The following PRKAG2 variants were observed in gnomAD, a reference collection of about 807,000 sequenced individuals.
PRKAG2 encodes 5'-AMP-activated protein kinase subunit gamma-2.
PRKAG2 carries 26 observed loss-of-function variants against 69.6 expected under a neutral mutation model. That is an observed-to-expected ratio of 0.37 (90% confidence interval 0.27 to 0.52). The LOEUF (loss-of-function observed/expected upper bound fraction) is 0.52. Ranked by LOEUF, PRKAG2 falls within the 20% of genes least tolerant of loss-of-function variation. The pLI is 0.90. For synonymous variants in PRKAG2, 293 were observed against 285.0 expected (o/e 1.03, Z -0.28); for missense variants, 557 against 740.0 (o/e 0.75, Z 2.87).
At position 151,702,146 on chromosome 7, in the gene PRKAG2, C is replaced by T. The variant is rs182000081; in HGVS notation, c.467-26509G>A. On this transcript the variant is annotated intron_variant, in intron 3 of 15. Coordinates refer to ENST00000287878, the MANE Select transcript of PRKAG2 (RefSeq NM_016203.4). ...TGGACAGCATGGATACAGAACACTT[C>T]CCCCTGTGCGGGGAGTTCGATTGGA... Among the ~76,000 whole-genome samples the T allele has an allele frequency of 7.3e-4, 111 of 152,338 alleles. 1 individual carries two copies. Among genetic ancestry groups the T allele is most frequent in the African/African-American group, 2.6e-3 (108 of 41,578 alleles).
chr7:151,597,067 G>C (rs193064704), intron 5 of PRKAG2, among the ~76,000 whole-genome samples: 228 of 152,272 alleles, frequency 1.5e-3, no homozygotes, highest in Admixed American at 3.5e-3. Flanking sequence ...GCATGAAGCT[G>C]GCATAAAAAC....
rs369311416 is a variant in PRKAG2 at position 151,713,576 on chromosome 7, T to C, written c.467-37939A>G. On this transcript the variant is annotated intron_variant, in intron 3 of 15. Coordinates refer to ENST00000287878, the MANE Select transcript of PRKAG2 (RefSeq NM_016203.4). ...TATTAACTCATGAGGATGGTGTTTT[T>C]GCTTTTTTAATTTTTTTTTTTTTTT... is the stretch of plus-strand genomic sequence containing the variant. 2.5e-3 allele frequency among the ~76,000 whole-genome samples: 373 copies of C among 147,912 alleles called. 2 individuals carry two copies. The highest frequency in any genetic ancestry group is 9.1e-3 in the African/African-American group (359 of 39,434).
chr7:151,558,972 T>C, intron 15 of PRKAG2: 13 of 985,456 alleles, frequency 1.3e-5, no homozygotes, highest in Non-Finnish European at 1.4e-5. Context: ...AGAGCTGACA[T>C]TCAGCCTGAC....
chr7:151,797,201 G>A (rs1035674092), intron 1 of PRKAG2, among the ~76,000 whole-genome samples: 1 of 151,346 alleles, frequency 6.6e-6, no homozygotes, highest in Non-Finnish European at 1.5e-5. Flanking sequence ...CAGATCTGAC[G>A]CTTCCCCCAC....
chr7:151,675,886 A>G (rs1204430985), intron 3 of PRKAG2, among the ~76,000 whole-genome samples: 6 of 151,684 alleles, frequency 4.0e-5, no homozygotes, highest in African/African-American at 1.2e-4. Context: ...GCAAGAAGCC[A>G]AATTATTCTG....
chr7:151,767,452 G>A (rs1462143757), intron 3 of PRKAG2, among the ~76,000 whole-genome samples: 4 of 152,090 alleles, frequency 2.6e-5, no homozygotes, highest in East Asian at 3.9e-4. Context: ...CACCATGTGC[G>A]GCTAGTTTTT....
At position 151,827,765 on chromosome 7, in the gene PRKAG2, A is replaced by C. The variant is rs1007069119; in HGVS notation, c.115-41224T>G. 4.6e-5 allele frequency among the ~76,000 whole-genome samples: 7 copies of C among 150,542 alleles called. No homozygotes were observed. In the South Asian group the frequency reaches 1.1e-3, roughly 23 times the overall value. ...TTAGGTAAAAAAAAAAAAAAAAAAA[A>C]AAAAAAAAACTGCCTTGCTGTAGCC... On this transcript the variant is annotated intron_variant, in intron 1 of 15. Transcript: ENST00000287878.
At chr7:151,604,662 A>C (rs1162281965) in intron 5 of PRKAG2, among the ~76,000 whole-genome samples, 2 of 152,052 alleles carry the variant, frequency 1.3e-5, no homozygotes, top group African/African-American at 4.8e-5. Context: ...ACACATACAC[A>C]CACACCCCAA....
chr7:151,574,051 T>A (rs1383205342), intron 8 of PRKAG2, among the ~76,000 whole-genome samples: 1 of 151,980 alleles, frequency 6.6e-6, no homozygotes, highest in Non-Finnish European at 1.5e-5. Context: ...AGTGCTGGGA[T>A]TACAGGCGTG....
At chr7:151,846,318 C>T (rs56308233) in intron 1 of PRKAG2, among the ~76,000 whole-genome samples, 29 of 151,864 alleles carry the variant, frequency 1.9e-4, no homozygotes, top group Non-Finnish European at 3.8e-4. Flanking sequence ...AAATACAAAA[C>T]TTAGCTGGGT....
chr7:151,827,794 C>G (rs183673156), intron 1 of PRKAG2, among the ~76,000 whole-genome samples: 1 of 138,832 alleles, frequency 7.2e-6, no homozygotes, highest in South Asian at 2.5e-4. Context: ...TGTAGCCTGT[C>G]GTGGTATGAC....
chr7:151,580,551 G>A (rs1370807764), intron 6 of PRKAG2, among the ~76,000 whole-genome samples: 1 of 152,166 alleles, frequency 6.6e-6, no homozygotes, highest in Non-Finnish European at 1.5e-5. Flanking sequence ...AGCACATAGG[G>A]TAGGAGACGG....
chr7:151,707,965 G>T (rs1339143073), intron 3 of PRKAG2, among the ~76,000 whole-genome samples: 1 of 152,242 alleles, frequency 6.6e-6, no homozygotes, highest in African/African-American at 2.4e-5. Context: ...AGACGGGGCA[G>T]GGGAGGACGC....
intron 1 of PRKAG2, among the ~76,000 whole-genome samples, chr7:151,797,417 A>C (rs2077609748): frequency 6.6e-6 from 1 of 152,000 alleles, no homozygotes; most frequent in Non-Finnish European, 1.5e-5. Flanking sequence ...TACGTAGAGG[A>C]CCTTGTGTGA....
chr7:151,833,427 GA>G, intron 1 of PRKAG2, among the ~76,000 whole-genome samples: 1 of 152,216 alleles, frequency 6.6e-6, no homozygotes, highest in East Asian at 1.9e-4. Flanking sequence ...GGAGGCCCTG[GA>G]AAGGAGAGGG....
intron 4 of PRKAG2, among the ~76,000 whole-genome samples, chr7:151,644,225 G>A (rs763022047): frequency 1.3e-5 from 2 of 152,014 alleles, no homozygotes; most frequent in Non-Finnish European, 2.9e-5. Flanking sequence ...CCACCTGTAT[G>A]CCAATAACTT....
intron 1 of PRKAG2, among the ~76,000 whole-genome samples, chr7:151,822,920 TCCAGCGA>T (rs1258112765): frequency 6.6e-6 from 1 of 152,042 alleles, no homozygotes; most frequent in Admixed American, 6.5e-5. Flanking sequence ...GAAAACAACC[TCCAGCGA>T]CTAATCAGCC....
intron 3 of PRKAG2, among the ~76,000 whole-genome samples, chr7:151,720,229 A>C (rs1342989700): frequency 1.3e-5 from 2 of 152,202 alleles, no homozygotes; most frequent in Admixed American, 1.3e-4. Flanking sequence ...AAGGTAGTGG[A>C]AGCCCAGATG....
At chr7:151,834,484 G>A (rs75243283) in intron 1 of PRKAG2, among the ~76,000 whole-genome samples, 5 of 149,262 alleles carry the variant, frequency 3.3e-5, no homozygotes, top group South Asian at 2.3e-4. Context: ...AGTACATCAC[G>A]TTGTTTGATG....
Sources: allele counts gnomAD v4.1 joint callset (sites outside exome capture counted in the v4.1 genomes callset), GRCh38; gene constraint gnomAD v4.1.1; transcripts MANE v1.5; gene names NCBI Gene and HGNC (gene_info 2026-07-23, HGNC 2026-07-21).